Variants in VIPR1 observed in about 807,000 individuals in gnomAD.
VIPR1 encodes the protein vasoactive intestinal polypeptide receptor 1.
VIPR1 carries 59 observed loss-of-function variants against 58.8 expected under a neutral mutation model. The ratio of observed to expected loss-of-function variants is 1.00; its 90% CI spans 0.81 to 1.25. The LOEUF is 1.25. Ranked by LOEUF, VIPR1 falls within the 50% of genes most tolerant of loss-of-function variation. The pLI, the probability that VIPR1 is intolerant of heterozygous loss-of-function variation, is 0.00. For missense variants in VIPR1, 626 were observed against 602.7 expected (o/e 1.04, Z -0.40); for synonymous variants, 251 against 242.1 (o/e 1.04, Z -0.34).
chr3:42,504,763 T>TGG (rs72180769), intron 1 of VIPR1, among the ~76,000 whole-genome samples: 14 of 25,854 alleles, frequency 5.4e-4, no homozygotes, highest in East Asian at 2.6e-3. Flanking sequence ...GACGGCGGGG[T>TGG]GGGGGGGCGG....
At chr3:42,534,427 A>T (rs1701738359) in intron 10 of VIPR1, 1 of 152,858 alleles carries the variant, frequency 6.5e-6, no homozygotes, top group African/African-American at 2.4e-5. Flanking sequence ...CCAAGTTCAT[A>T]GTGGGCCTCT....
Position 42,519,330 on chromosome 3 carries a change from G to T in VIPR1, c.292G>T (p.Gly98Cys). Residue 98 changes from glycine to cysteine, a missense_variant and splice_region_variant, in exon 3 of 13, where the codon GGC becomes TGC. Physicochemically the swap from Gly to Cys is radical, Grantham distance 159 (BLOSUM62 -3). Coordinates refer to ENST00000325123, the MANE Select transcript of VIPR1 (RefSeq NM_004624.4). The part of the protein sequence containing the change: ...LIFKLFSSIQ[G>C]RNVSRSCTDE... ...CTTCAAGCTCTTCTCCTCCATTCAA[G>T]GTAAGACCCCTGGGTTGAAGAGGTG... The T allele has an allele frequency of 6.2e-7, 1 of 1,603,602 alleles. No individual in the cohort carries two copies. The highest frequency in any genetic ancestry group is 1.7e-4 in the Middle Eastern group (1 of 6,034).
chr3:42,526,858 C>T (rs138515021), intron 4 of VIPR1, among the ~76,000 whole-genome samples: 332 of 152,256 alleles, frequency 2.2e-3, no homozygotes, highest in Non-Finnish European at 3.8e-3. Context: ...CCTCCTCCAC[C>T]GGAAAGGCCA....
At chr3:42,530,454 AG>A in intron 6 of VIPR1, 1 of 264,790 alleles carries the variant, frequency 3.8e-6, no homozygotes. Context: ...GTGAATGTCT[AG>A]TGGGTGAGTG....
At chr3:42,499,308 G>A (rs1699823181), upstream of VIPR1, among the ~76,000 whole-genome samples, 1 of 152,210 alleles carries the variant, frequency 6.6e-6, no homozygotes, top group Admixed American at 6.5e-5. Flanking sequence ...AAGGCAGTGA[G>A]TGCACGATTC....
Position 42,528,020 on chromosome 3 carries a change from A to C in VIPR1, c.533A>C (p.His178Pro). The change falls in exon 6 of 13, where the codon CAC (histidine) becomes CCC (proline). Residue 178 changes from histidine to proline, a missense_variant. Transcript: ENST00000325123. ...CTCCACTGCACGCGGAACTACATCC[A>C]CATGCACCTCTTCATATCCTTCATC... ...RKLHCTRNYI[H>P]MHLFISFILR... The C allele has an allele frequency of 6.2e-7, 1 of 1,614,014 alleles. No homozygotes were observed. Among genetic ancestry groups the C allele is most frequent in the Non-Finnish European group, 8.5e-7 (1 of 1,179,946 alleles).
intron 1 of VIPR1, among the ~76,000 whole-genome samples, chr3:42,496,365 TAC>T (rs1447133297): frequency 6.6e-6 from 1 of 152,234 alleles, no homozygotes; most frequent in African/African-American, 2.4e-5. Context: ...CCATAAAAGT[TAC>T]ATAGTATTGT....
At chr3:42,510,614 T>C (rs1275174127) in intron 1 of VIPR1, among the ~76,000 whole-genome samples, 2 of 152,194 alleles carry the variant, frequency 1.3e-5, no homozygotes, top group African/African-American at 4.8e-5. Flanking sequence ...GGTCAGAGAC[T>C]TAGGTCCCAT....
At chr3:42,495,262 T>C (rs779257576) in intron 1 of VIPR1, among the ~76,000 whole-genome samples, 20 of 150,752 alleles carry the variant, frequency 1.3e-4, no homozygotes, top group Non-Finnish European at 2.5e-4. Context: ...GCTGGGACTA[T>C]AGGCGCCCAC....
chr3:42,503,370 A>G (rs1167404075), intron 1 of VIPR1, among the ~76,000 whole-genome samples: 1 of 152,182 alleles, frequency 6.6e-6, no homozygotes, highest in Non-Finnish European at 1.5e-5. Context: ...AAAAGGTACC[A>G]GACCCCAAGG....
chr3:42,490,325 A>T (rs1359596948), intron 1 of VIPR1, among the ~76,000 whole-genome samples: 1 of 152,248 alleles, frequency 6.6e-6, no homozygotes, highest in East Asian at 1.9e-4. Flanking sequence ...AGAGCTGCTA[A>T]TGCTGTCAGG....
chr3:42,535,423 C>A, intron 12 of VIPR1, 39 bp downstream of exon 12: 1 of 1,605,398 alleles, frequency 6.2e-7, no homozygotes, highest in Non-Finnish European at 8.5e-7. Context: ...GGCAATGGAA[C>A]TCCCAGGACC....
At chr3:42,506,739 G>C (rs571051902) in intron 1 of VIPR1, 5 of 152,022 alleles carry the variant, frequency 3.3e-5, no homozygotes, top group Non-Finnish European at 7.4e-5. Context: ...TGTTGGCCAG[G>C]CTGCTCTTGA....
chr3:42,511,090 G>A (rs547940758), intron 1 of VIPR1, among the ~76,000 whole-genome samples: 77 of 152,342 alleles, frequency 5.1e-4, no homozygotes, highest in African/African-American at 1.7e-3. Flanking sequence ...ACTGATCCAA[G>A]CCATAAAGGA....
chr3:42,531,547 A>T lies in VIPR1; in HGVS notation c.851+16A>T. The T allele has an allele frequency of 6.3e-7, 1 of 1,592,486 alleles. No homozygotes were observed. Among genetic ancestry groups the T allele is most frequent in the African/African-American group, 1.3e-5 (1 of 74,590 alleles). On this transcript the variant is annotated intron_variant, in intron 8 of 12. Transcript: ENST00000325123. Reference sequence around the variant, plus strand: ...AGGATTATGGGTGAGCTGCTGCCCCACACACTCCCCCGGCCGCCATCACTT... The same window carrying T: ...AGGATTATGGGTGAGCTGCTGCCCCTCACACTCCCCCGGCCGCCATCACTT...
chr3:42,516,434 TACACCCC>T (rs1559485880), intron 2 of VIPR1: 1 of 152,672 alleles, frequency 6.5e-6, no homozygotes, highest in East Asian at 1.9e-4. Flanking sequence ...CTGGCTGCCC[TACACCCC>T]AGCACCAGTT....
chr3:42,517,835 G>C, intron 2 of VIPR1, among the ~76,000 whole-genome samples: 1 of 152,156 alleles, frequency 6.6e-6, no homozygotes, highest in Non-Finnish European at 1.5e-5. Context: ...AATTAGCCGG[G>C]TGTGGTGGTG....
intron 12 of VIPR1, among the ~76,000 whole-genome samples, chr3:42,535,780 C>G (rs940993394): frequency 6.6e-6 from 1 of 152,092 alleles, no homozygotes; most frequent in Non-Finnish European, 1.5e-5. Context: ...AAAACCCACT[C>G]AAGTGAGCTG....
exon 1 of VIPR1, chr3:42,489,507 C>G (rs927691209): frequency 6.6e-6 from 1 of 152,324 alleles, no homozygotes; most frequent in Non-Finnish European, 1.5e-5. Flanking sequence ...AGTAAAGGAG[C>G]TGTGGCTTCC....
Sources: gnomAD v4.1 joint callset for allele counts (sites outside exome capture counted in the v4.1 genomes callset) on GRCh38, gnomAD v4.1.1 for gene constraint, MANE v1.5 for transcripts, NCBI Gene and HGNC (gene_info 2026-07-23, HGNC 2026-07-21) for gene names.